The following ASTN2 variants were observed in gnomAD, a reference collection of about 807,000 sequenced individuals.
The protein encoded by ASTN2 is astrotactin 2, also known as astrotactin-2.
In ASTN2, 54 loss-of-function variants were observed where a neutral mutation model predicts 139.8. That is an observed-to-expected ratio of 0.39 (90% CI 0.31 to 0.48). ASTN2 has a LOEUF of 0.48. Among genes scored for constraint, ASTN2 ranks in the 20% least tolerant of loss-of-function variants. The pLI is 0.95. For missense variants in ASTN2, 1,565 were observed against 1,725.1 expected (o/e 0.91, Z 1.64); for synonymous variants, 756 against 719.5 (o/e 1.05, Z -0.81).
At chr9:117,401,163 A>C (rs912567094) in intron 1 of ASTN2, among the ~76,000 whole-genome samples, 1 of 152,172 alleles carries the variant, frequency 6.6e-6, no homozygotes, top group Non-Finnish European at 1.5e-5. Flanking sequence ...GATCCATCAG[A>C]AGTGGTGTTC....
intron 17 of ASTN2, among the ~76,000 whole-genome samples, chr9:116,651,168 T>C (rs803909): frequency 6.6e-6 from 1 of 151,702 alleles, no homozygotes; most frequent in Non-Finnish European, 1.5e-5. Flanking sequence ...CCACCCGCCT[T>C]GGCCTCCCAA....
chr9:117,121,215 A>G (rs1829550353), intron 4 of ASTN2, among the ~76,000 whole-genome samples: 1 of 152,228 alleles, frequency 6.6e-6, no homozygotes, highest in East Asian at 1.9e-4. Flanking sequence ...TTCACAGAGT[A>G]TCACATTGGT....
intron 5 of ASTN2, among the ~76,000 whole-genome samples, chr9:117,075,863 C>A (rs573275063): frequency 6.6e-6 from 1 of 152,252 alleles, no homozygotes; most frequent in African/African-American, 2.4e-5. Context: ...CAAGTCAGGA[C>A]AAGATCTCAT....
intron 17 of ASTN2, among the ~76,000 whole-genome samples, chr9:116,647,137 C>A (rs535763047): frequency 6.6e-6 from 1 of 152,162 alleles, no homozygotes; most frequent in South Asian, 2.1e-4. Context: ...TCTCTGACTG[C>A]GTAAGGCCCC....
chr9:116,632,128 A>AAGAGAG (rs145360209), intron 17 of ASTN2, among the ~76,000 whole-genome samples: 946 of 47,734 alleles, frequency 0.02, 26 homozygotes, highest in East Asian at 0.035. Flanking sequence ...AAAGAAAAAG[A>AAGAGAG]AGAGAGAGAG....
At chr9:116,540,118 C>T (rs1435795404) in intron 19 of ASTN2, among the ~76,000 whole-genome samples, 4 of 152,306 alleles carry the variant, frequency 2.6e-5, no homozygotes, top group Non-Finnish European at 1.5e-5. Context: ...CTGTAAAATA[C>T]TGGCTGTATT....
At chr9:117,380,597 C>CA (rs1199618121) in intron 1 of ASTN2, among the ~76,000 whole-genome samples, 2,246 of 92,534 alleles carry the variant, frequency 0.024, 45 homozygotes, top group South Asian at 0.09. Context: ...GAGCAAGACT[C>CA]AAAAAAAAAA....
chr9:116,509,240 T>C (rs1376448595), intron 19 of ASTN2, among the ~76,000 whole-genome samples: 1 of 152,160 alleles, frequency 6.6e-6, no homozygotes, highest in Non-Finnish European at 1.5e-5. Context: ...TTCCCACATA[T>C]GAGTGAGAAC....
chr9:116,699,386 T>A lies in ASTN2; in HGVS notation c.2806+26385A>T. On this transcript the variant is annotated intron_variant, in intron 16 of 22. Coordinates refer to ENST00000313400, the MANE Select transcript of ASTN2 (RefSeq NM_001365068.1). The surrounding 1 kb of genome is among the most constrained non-coding windows in gnomAD (Gnocchi z 4.2). ...GGCAGAATGAGCACCACCTGGAGGG[T>A]GGCTTTTCCATTGGCTCTGTAGGCC... 1 of 1,613,860 alleles carries A rather than the reference T, an allele frequency of 6.2e-7. No individual in the cohort carries two copies. Among genetic ancestry groups the A allele is most frequent in the East Asian group, 2.2e-5 (1 of 44,854 alleles).
intron 17 of ASTN2, among the ~76,000 whole-genome samples, chr9:116,638,230 C>T (rs1246871225): frequency 6.6e-6 from 1 of 152,128 alleles, no homozygotes. Flanking sequence ...AAGAATTTGT[C>T]TTTACTCAGC....
chr9:116,696,317 C>A (rs1415248860), intron 16 of ASTN2, among the ~76,000 whole-genome samples: 1 of 152,138 alleles, frequency 6.6e-6, no homozygotes, highest in Non-Finnish European at 1.5e-5. Flanking sequence ...TTTTTTGGTG[C>A]AGAGCCAAAT....
intron 10 of ASTN2, among the ~76,000 whole-genome samples, chr9:116,872,284 G>T (rs544221770): frequency 6.6e-6 from 1 of 152,258 alleles, no homozygotes; most frequent in South Asian, 2.1e-4. Flanking sequence ...TACCTAACTA[G>T]CAGAGGTAGC....
rs377257498 is a variant in ASTN2 at position 117,090,469 on chromosome 9, G to A, written c.1276+5575C>T. Among the ~76,000 whole-genome samples the A allele has an allele frequency of 2.0e-3, 307 of 152,278 alleles. 1 individual carries two copies. Among genetic ancestry groups the A allele is most frequent in the African/African-American group, 7.3e-3 (305 of 41,552 alleles). ...AAAATAGTCCCATTCTCCTTACAAA[G>A]AGCCAAAATCTTAGGAAAGACAAAG... On this transcript the variant is annotated intron_variant, in intron 5 of 22. Transcript: ENST00000313400.
intron 13 of ASTN2, among the ~76,000 whole-genome samples, chr9:116,748,369 C>T: frequency 6.6e-6 from 1 of 151,764 alleles, no homozygotes; most frequent in East Asian, 1.9e-4. Context: ...TGCTCCAGCT[C>T]CAGCCTTAAT....
chr9:116,628,085 C>T (rs1038264477), intron 17 of ASTN2, among the ~76,000 whole-genome samples: 3 of 152,148 alleles, frequency 2.0e-5, no homozygotes, highest in Non-Finnish European at 4.4e-5. Flanking sequence ...AAATGTTATT[C>T]ACACCCCTGA....
At chr9:116,925,653 T>A (rs534630604) in intron 10 of ASTN2, among the ~76,000 whole-genome samples, 1 of 149,780 alleles carries the variant, frequency 6.7e-6, no homozygotes, top group East Asian at 2.1e-4. Flanking sequence ...TTCTTCCAGT[T>A]TCTCAGACAA....
At chr9:116,897,048 T>C (rs1278241041) in intron 10 of ASTN2, among the ~76,000 whole-genome samples, 1 of 152,160 alleles carries the variant, frequency 6.6e-6, no homozygotes, top group East Asian at 1.9e-4. Context: ...AAATGTGGCA[T>C]ATTTTTCTAC....
intron 22 of ASTN2, chr9:116,437,540 C>G (rs749425356): frequency 2.1e-6 from 1 of 471,236 alleles, no homozygotes; most frequent in Non-Finnish European, 4.4e-6. Context: ...GGCGGCCCGG[C>G]CGCCTTTCCA....
intron 16 of ASTN2, among the ~76,000 whole-genome samples, chr9:116,679,210 TTC>T: frequency 6.6e-6 from 1 of 152,300 alleles, no homozygotes; most frequent in East Asian, 1.9e-4. Context: ...TAACCTGGGA[TTC>T]TATTTTATAA....
Sources: allele counts gnomAD v4.1 joint callset (sites outside exome capture counted in the v4.1 genomes callset), GRCh38; gene constraint gnomAD v4.1.1; non-coding constraint Gnocchi (gnomAD v3.1); transcripts MANE v1.5; gene names NCBI Gene and HGNC (gene_info 2026-07-23, HGNC 2026-07-21).